PPP4R2: variants seen among roughly 807,000 people sequenced by gnomAD.
PPP4R2 encodes the protein serine/threonine-protein phosphatase 4 regulatory subunit 2.
In PPP4R2, 13 loss-of-function variants were observed where a neutral mutation model predicts 47.2. The observed-to-expected ratio is 0.28, with a 90% CI of 0.18 to 0.44. The LOEUF is 0.44. Among genes scored for constraint, PPP4R2 ranks in the 20% least tolerant of loss-of-function variants. The probability of loss-of-function intolerance (pLI) is 1.00; values close to 1 mark genes in which losing one functional copy is unlikely to be tolerated. For synonymous variants in PPP4R2, 151 were observed against 163.3 expected (o/e 0.92, Z 0.57); for missense variants, 421 against 491.2 (o/e 0.86, Z 1.35).
rs71624000 is a variant in PPP4R2 at position 73,006,190 on chromosome 3, ATTTTTTT to A, written c.116+8053_116+8059del. On this transcript the variant is annotated intron_variant, in intron 2 of 8. Coordinates refer to ENST00000356692, the MANE Select transcript of PPP4R2 (RefSeq NM_174907.4). ...AGATGCATCGTATGAATATGCCACA[ATTTTTTT>A]TTTTTTTTTTTTTTTTTTTTGAGAT... 7.9e-3 allele frequency among the ~76,000 whole-genome samples: 977 copies of A among 124,114 alleles called. 8 individuals carry two copies. Among genetic ancestry groups the A allele is most frequent in the African/African-American group, 0.027 (859 of 31,838 alleles). The allele number at this position is 124,114 out of a possible 152,430, so 81.4% of individuals were successfully genotyped here.
At chr3:73,027,529 T>C (rs941736596) in intron 2 of PPP4R2, among the ~76,000 whole-genome samples, 1 of 152,234 alleles carries the variant, frequency 6.6e-6, no homozygotes, top group Admixed American at 6.5e-5. Flanking sequence ...AGATGGTTTG[T>C]AGACATTATT....
Position 73,057,669 on chromosome 3 carries a change from T to C in PPP4R2, c.288-1368T>C, listed in dbSNP as rs1702754345. Among the ~76,000 whole-genome samples the C allele has an allele frequency of 2.0e-5, 3 of 152,264 alleles. No individual in the cohort carries two copies. In the South Asian group the frequency reaches 6.2e-4, roughly 32 times the overall value. ...CACTTTCAGAATTTTTTGCACATCT[T>C]ATACTTTGAACATAAGAATAGTATT... On this transcript the variant is annotated intron_variant, in intron 3 of 8. Transcript: ENST00000356692.
At chr3:73,014,312 G>C (rs1000814259) in intron 2 of PPP4R2, among the ~76,000 whole-genome samples, 5 of 80,854 alleles carry the variant, frequency 6.2e-5, no homozygotes, top group Non-Finnish European at 1.3e-4. Flanking sequence ...TTTTGAGACC[G>C]GGTCTCACTC....
At chr3:73,049,589 T>C (rs1038679822) in intron 3 of PPP4R2, among the ~76,000 whole-genome samples, 1 of 152,044 alleles carries the variant, frequency 6.6e-6, no homozygotes, top group Non-Finnish European at 1.5e-5. Context: ...TTTATTTCAA[T>C]AAATTATGGC....
chr3:73,028,525 G>T (rs1702110891), intron 2 of PPP4R2, among the ~76,000 whole-genome samples: 1 of 151,896 alleles, frequency 6.6e-6, no homozygotes, highest in Non-Finnish European at 1.5e-5. Flanking sequence ...GGTGCAATCT[G>T]TGCCTCCTGG....
chr3:73,062,885 A>G (rs781471266), intron 5 of PPP4R2: 2 of 1,611,302 alleles, frequency 1.2e-6, no homozygotes, highest in Admixed American at 1.7e-5. Flanking sequence ...TACACAAGCT[A>G]CGCAAGTCAA....
intron 2 of PPP4R2, among the ~76,000 whole-genome samples, chr3:73,001,741 C>G (rs563279230): frequency 6.8e-4 from 104 of 152,010 alleles, no homozygotes; most frequent in Non-Finnish European, 1.2e-3. Context: ...TGAGTTCAAG[C>G]GATTCTCCTG....
Position 72,998,074 on chromosome 3 carries a change from T to C in PPP4R2, c.35-3T>C, listed in dbSNP as rs754339156. The stretch of plus-strand genomic sequence containing the variant: ...TAACGTTTTTTTTTCTTCCTTCATC[T>C]AGATTTTGAGAAGAGGGGGAAAAAG... On this transcript the variant is annotated splice_region_variant and splice_polypyrimidine_tract_variant and intron_variant, in intron 1 of 8. Transcript: ENST00000356692. 6.3e-7 allele frequency: 1 copy of C among 1,598,512 alleles called. No individual in the cohort carries two copies. The highest frequency in any genetic ancestry group is 1.1e-5 in the South Asian group (1 of 87,912).
At position 72,998,102 on chromosome 3, in the gene PPP4R2, A is replaced by G. The variant is rs777995250; in HGVS notation, c.60A>G (p.Glu20=). The part of the protein sequence containing the change: ...LKDFEKRGKK[E]VCPVLDQFLC... Reference sequence around the variant, plus strand: ...ATTTTGAGAAGAGGGGGAAAAAGGAAGTTTGTCCTGTCCTGGATCAGTTTC... The same window carrying G: ...ATTTTGAGAAGAGGGGGAAAAAGGAGGTTTGTCCTGTCCTGGATCAGTTTC... The change falls in exon 2 of 9, where the codon GAA becomes GAG. Residue 20 remains glutamate, a synonymous_variant. Coordinates refer to ENST00000356692, the MANE Select transcript of PPP4R2 (RefSeq NM_174907.4). 6 of 1,605,758 alleles carry G rather than the reference A, an allele frequency of 3.7e-6. No individual in the cohort carries two copies. In the African/African-American group the frequency reaches 8.1e-5, roughly 22 times the overall value.
chr3:73,054,208 G>A (rs994744975), intron 3 of PPP4R2, among the ~76,000 whole-genome samples: 1 of 152,154 alleles, frequency 6.6e-6, no homozygotes, highest in Non-Finnish European at 1.5e-5. Flanking sequence ...GTGAGCCGCC[G>A]TGCTCAGCTA....
chr3:73,048,947 G>A (rs573639989), intron 3 of PPP4R2, among the ~76,000 whole-genome samples: 1 of 152,212 alleles, frequency 6.6e-6, no homozygotes, highest in Non-Finnish European at 1.5e-5. Context: ...CATAGCTTTT[G>A]TCTTTGAGGT....
At position 73,067,030 on chromosome 3, in the gene PPP4R2, G is replaced by C. The variant is rs908290567; in HGVS notation, c.*1308G>C. Reference sequence around the variant, plus strand: ...ACCTGTTTCTTCAGCTGTACCTTTTGATATTTAAAGTTTTTAAATTTCTGT... The same window carrying C: ...ACCTGTTTCTTCAGCTGTACCTTTTCATATTTAAAGTTTTTAAATTTCTGT... On this transcript the variant is annotated 3_prime_UTR_variant, in exon 9 of 9. Transcript: ENST00000356692. 1 of 151,932 alleles carries C rather than the reference G, an allele frequency of 6.6e-6. No homozygotes were observed. Among genetic ancestry groups the C allele is most frequent in the Non-Finnish European group, 1.5e-5 (1 of 67,916 alleles). The allele number at this position is 151,932 out of a possible 1,614,324, so 9.4% of individuals were successfully genotyped here.
rs556151741 is a variant in PPP4R2, at chr3:73,038,720, G to C, written c.117-8466G>C. 2.0e-5 allele frequency among the ~76,000 whole-genome samples: 3 copies of C among 152,298 alleles called. No homozygotes were observed. In the South Asian group the frequency reaches 6.2e-4, roughly 32 times the overall value. On this transcript the variant is annotated intron_variant, in intron 2 of 8. Coordinates refer to ENST00000356692, the MANE Select transcript of PPP4R2 (RefSeq NM_174907.4). ...GCTAACCGGAATATACTGTTGGTTG[G>C]ACTTTTTGTTTTAATTGGTAGGGAG...
chr3:73,053,322 G>A (rs1352321409), intron 3 of PPP4R2, among the ~76,000 whole-genome samples: 1 of 143,512 alleles, frequency 7.0e-6, no homozygotes, highest in African/African-American at 2.6e-5. Flanking sequence ...GAATTAGCAT[G>A]ACTTTGTAAC....
chr3:73,063,372 C>G, intron 5 of PPP4R2: 1 of 251,156 alleles, frequency 4.0e-6, no homozygotes, highest in South Asian at 7.3e-5. Flanking sequence ...GCCTGTAATC[C>G]CAGCACTTTG....
intron 2 of PPP4R2, among the ~76,000 whole-genome samples, chr3:73,009,024 G>A (rs1300336920): frequency 2.0e-5 from 3 of 152,200 alleles, no homozygotes; most frequent in Non-Finnish European, 4.4e-5. Context: ...GCAGCGACAG[G>A]CAGATAGTGA....
At chr3:73,020,672 T>TTTAAAAAA (rs59905202) in intron 2 of PPP4R2, among the ~76,000 whole-genome samples, 2 of 133,206 alleles carry the variant, frequency 1.5e-5, no homozygotes, top group South Asian at 5.0e-4. Flanking sequence ...CCTGTCTCTT[T>TTTAAAAAA]AAAAAAAAAA....
At chr3:73,058,676 T>C (rs988148424) in intron 3 of PPP4R2, among the ~76,000 whole-genome samples, 6 of 152,126 alleles carry the variant, frequency 3.9e-5, no homozygotes, top group South Asian at 2.1e-4. Flanking sequence ...AGTACACTTA[T>C]ACTCTTAGTT....
rs192593075 is a variant in PPP4R2, at chr3:73,020,514, C to G, written c.116+22356C>G. Among the ~76,000 whole-genome samples, 4 of 151,206 alleles carry G rather than the reference C, an allele frequency of 2.6e-5. No homozygotes were observed. The East Asian group carries it at 7.9e-4, about 30-fold the overall frequency. On this transcript the variant is annotated intron_variant, in intron 2 of 8. Coordinates refer to ENST00000356692, the MANE Select transcript of PPP4R2 (RefSeq NM_174907.4). ...GAAACCCTGTCACTACAAAGAAATG[C>G]AAAAATATAGCTGGGTGTGGTGGTG...
Sources: allele counts gnomAD v4.1 joint callset (sites outside exome capture counted in the v4.1 genomes callset), GRCh38; gene constraint gnomAD v4.1.1; transcripts MANE v1.5; gene names NCBI Gene and HGNC (gene_info 2026-07-23, HGNC 2026-07-21).